Variants in PSMD14 observed in about 807,000 individuals in gnomAD.
PSMD14 encodes the protein ubiquitin C-terminal hydrolase PSMD14.
PSMD14 carries 7 observed loss-of-function variants against 41.2 expected under a neutral mutation model. That is an observed-to-expected ratio of 0.17 (90% CI 0.10 to 0.32). The LOEUF (loss-of-function observed/expected upper bound fraction) is 0.32, where lower values mean the gene tolerates loss of function less well. PSMD14 is among the 10% of genes least tolerant of loss of function. PSMD14 has a pLI of 1.00. For missense variants in PSMD14, 139 were observed against 375.6 expected, an observed-to-expected ratio of 0.37 and a Z score of 5.21; for synonymous variants, 114 against 122.3, an observed-to-expected ratio of 0.93 and a Z score of 0.45.
intron 8 of PSMD14, among the ~76,000 whole-genome samples, chr2:161,389,260 G>T (rs1254441794): frequency 2.0e-5 from 3 of 152,168 alleles, no homozygotes; most frequent in African/African-American, 7.2e-5. Context: ...TGTGCAAGTA[G>T]TGAGTGCATC....
chr2:161,326,155 A>G (rs756661842), intron 3 of PSMD14, among the ~76,000 whole-genome samples: 5 of 152,106 alleles, frequency 3.3e-5, no homozygotes, highest in Non-Finnish European at 7.4e-5. Context: ...CTTCTGCCTC[A>G]GCCTCCTGAG....
At chr2:161,409,601 G>A (rs1683997982) in intron 11 of PSMD14, 1 of 151,996 alleles carries the variant, frequency 6.6e-6, no homozygotes, top group Non-Finnish European at 1.5e-5. Flanking sequence ...CATCTCACAA[G>A]CTATGTAGGT....
At chr2:161,336,654 C>T (rs553276816) in intron 3 of PSMD14, among the ~76,000 whole-genome samples, 99 of 152,288 alleles carry the variant, frequency 6.5e-4, no homozygotes, top group Middle Eastern at 3.4e-3. Context: ...TGGCTCACTG[C>T]AACCTCTGCC....
At chr2:161,338,499 TG>T (rs1251367487) in intron 3 of PSMD14, among the ~76,000 whole-genome samples, 1 of 152,160 alleles carries the variant, frequency 6.6e-6, no homozygotes, top group Admixed American at 6.5e-5. Context: ...CTTTTAGACT[TG>T]GAAAAGCATT....
At chr2:161,359,140 TA>T (rs1445371385) in intron 3 of PSMD14, among the ~76,000 whole-genome samples, 2 of 151,440 alleles carry the variant, frequency 1.3e-5, no homozygotes, top group East Asian at 1.9e-4. Context: ...GGCAAATCTT[TA>T]AAAAAAAATT....
At position 161,354,813 on chromosome 2, in the gene PSMD14, T is replaced by C. The variant is rs550582903; in HGVS notation, c.49-12665T>C. 5.3e-5 allele frequency among the ~76,000 whole-genome samples: 8 copies of C among 152,310 alleles called. No individual in the cohort carries two copies. The East Asian group carries it at 7.7e-4, about 15-fold the overall frequency. On this transcript the variant is annotated intron_variant, in intron 3 of 11. Coordinates refer to ENST00000409682, the MANE Select transcript of PSMD14 (RefSeq NM_005805.6). The stretch of plus-strand genomic sequence containing the variant: ...GCTGCCAGCCCCTATGTTACTTTGA[T>C]AGGGTCTCTTTATAACCAGATAATG...
chr2:161,385,792 AC>A (rs1409976993), intron 8 of PSMD14, among the ~76,000 whole-genome samples: 4 of 151,370 alleles, frequency 2.6e-5, no homozygotes, highest in Non-Finnish European at 3.0e-5. Context: ...ATATTTGAGG[AC>A]CCCCTTTTTG....
intron 3 of PSMD14, among the ~76,000 whole-genome samples, chr2:161,329,610 C>T (rs945252962): frequency 2.6e-5 from 4 of 151,772 alleles, no homozygotes; most frequent in Non-Finnish European, 5.9e-5. Context: ...AGAGAAGGGT[C>T]GAAAAATTTT....
At chr2:161,370,864 T>C (rs1683422173) in intron 6 of PSMD14, among the ~76,000 whole-genome samples, 3 of 152,132 alleles carry the variant, frequency 2.0e-5, no homozygotes, top group African/African-American at 7.2e-5. Flanking sequence ...AGAGTAGATA[T>C]TTACTTGAAT....
At chr2:161,361,068 T>A (rs907711033) in intron 3 of PSMD14, among the ~76,000 whole-genome samples, 1 of 152,228 alleles carries the variant, frequency 6.6e-6, no homozygotes, top group Non-Finnish European at 1.5e-5. Context: ...CTACCTAAAA[T>A]GTGCTTCTTC....
chr2:161,341,108 C>T, intron 3 of PSMD14: 1 of 1,406,158 alleles, frequency 7.1e-7, no homozygotes, highest in Non-Finnish European at 9.2e-7. Context: ...GCTCTCCAGG[C>T]TCCTCCGGCC....
intron 3 of PSMD14, among the ~76,000 whole-genome samples, chr2:161,354,140 C>T (rs1352482279): frequency 3.3e-5 from 5 of 152,096 alleles, no homozygotes; most frequent in African/African-American, 1.2e-4. Context: ...CTGCTTGATT[C>T]TGGGCCCCTC....
intron 9 of PSMD14, 53 bp from the exon 10 acceptor site, chr2:161,395,025 G>GA: frequency 1.4e-6 from 2 of 1,384,680 alleles, no homozygotes; most frequent in Non-Finnish European, 1.9e-6. Context: ...TCTAGACAAT[G>GA]AAGGGGGTAT....
At chr2:161,404,184 C>G (rs933513328) in intron 10 of PSMD14, among the ~76,000 whole-genome samples, 2 of 151,974 alleles carry the variant, frequency 1.3e-5, no homozygotes, top group African/African-American at 4.8e-5. Context: ...GAGATTATTA[C>G]AGTTGTGAGC....
intron 8 of PSMD14, among the ~76,000 whole-genome samples, chr2:161,390,280 T>C (rs1466954095): frequency 2.0e-5 from 3 of 152,114 alleles, no homozygotes; most frequent in African/African-American, 7.2e-5. Context: ...AAGTCCTTTT[T>C]GTTTTTATAC....
At chr2:161,409,439 C>A (rs1683996334) in intron 11 of PSMD14, 2 of 152,200 alleles carry the variant, frequency 1.3e-5, no homozygotes, top group African/African-American at 4.8e-5. Context: ...ATTAATTAGA[C>A]TGTTTTTTAA....
At chr2:161,388,027 T>G (rs1174913347) in intron 8 of PSMD14, among the ~76,000 whole-genome samples, 1 of 152,068 alleles carries the variant, frequency 6.6e-6, no homozygotes, top group African/African-American at 2.4e-5. Flanking sequence ...ATGTTTAGAA[T>G]TGAGAGTTAA....
chr2:161,327,954 G>GTGTGTGTT (rs1682725478), intron 3 of PSMD14, among the ~76,000 whole-genome samples: 1 of 140,514 alleles, frequency 7.1e-6, no homozygotes, highest in Non-Finnish European at 1.5e-5. Context: ...AGCTGTGTGT[G>GTGTGTGTT]TGTGTGTGTG....
In PSMD14 at chr2:161,388,893, A is replaced by G. The variant is rs890584320; in HGVS notation, c.571-2211A>G. Reference sequence around the variant, plus strand: ...GTCAGTTGGTCTTGTGTAGTTCTACATGAACCCAAAAAGGACATGGCCGGT... The same window carrying G: ...GTCAGTTGGTCTTGTGTAGTTCTACGTGAACCCAAAAAGGACATGGCCGGT... On this transcript the variant is annotated intron_variant, in intron 8 of 11. Transcript: ENST00000409682. Among the ~76,000 whole-genome samples, 3 of 152,112 alleles carry G rather than the reference A, an allele frequency of 2.0e-5. No homozygotes were observed. The East Asian group carries it at 5.8e-4, about 29-fold the overall frequency.
Sources: allele counts gnomAD v4.1 joint callset (sites outside exome capture counted in the v4.1 genomes callset), GRCh38; gene constraint gnomAD v4.1.1; transcripts MANE v1.5; gene names NCBI Gene and HGNC (gene_info 2026-07-23, HGNC 2026-07-21).